POLD1: variants seen among roughly 807,000 people sequenced by gnomAD.
POLD1 encodes the protein DNA polymerase delta 1, catalytic subunit.
A neutral mutation model predicts 129.7 loss-of-function variants in POLD1; 79 were observed. That is an observed-to-expected ratio of 0.61 (90% CI 0.51 to 0.73). The LOEUF is 0.73. POLD1 is among the 30% of genes least tolerant of loss of function. POLD1 has a pLI of 0.00. For synonymous variants in POLD1, 714 were observed against 683.3 expected (o/e 1.04, Z -0.70); for missense variants, 1,338 against 1,595.8 (o/e 0.84, Z 2.75).
In POLD1 at chr19:50,406,137, G is replaced by C. The variant is rs2122314314; in HGVS notation, c.1243-45G>C. 4 of 1,594,068 alleles carry C rather than the reference G, an allele frequency of 2.5e-6. No individual in the cohort carries two copies. Among genetic ancestry groups the C allele is most frequent in the Non-Finnish European group, 3.4e-6 (4 of 1,166,680 alleles). Reference sequence around the variant, plus strand: ...CAATCTCCGTTCTTCAGGCTTATGTGACGGGGACCCGCAGCCTGCTGCACA... The same window carrying C: ...CAATCTCCGTTCTTCAGGCTTATGTCACGGGGACCCGCAGCCTGCTGCACA... On this transcript the variant is annotated intron_variant, in intron 10 of 26. Transcript: ENST00000440232. This position sits in a 1 kb window ranked among gnomAD's most constrained non-coding sequence, Gnocchi z 5.5.
In POLD1 at chr19:50,416,614, G is replaced by T; in HGVS notation, c.2958G>T (p.Gly986=). ...CACCTGCCTCCTCTCCTGCAGGGGG[G>T]GACCACACGCGCTGCAAGACGGTGC... ...EGRAEAVLLR[G]DHTRCKTVLT... Residue 986 remains glycine, a synonymous_variant, in exon 24 of 27, where the codon GGG becomes GGT. Transcript: ENST00000440232. The T allele has an allele frequency of 6.4e-7, 1 of 1,561,148 alleles. No individual in the cohort carries two copies. The highest frequency in any genetic ancestry group is 2.4e-5 in the East Asian group (1 of 41,928).
intron 1 of POLD1, among the ~76,000 whole-genome samples, chr19:50,393,261 T>C (rs1230533921): frequency 6.6e-6 from 1 of 152,186 alleles, no homozygotes; most frequent in African/African-American, 2.4e-5. Context: ...CAGTCTCTCC[T>C]ACCCTAGGAG....
Position 50,409,404 on chromosome 19 carries a change from A to C in POLD1, c.2007-115A>C, listed in dbSNP as rs1033505603. Reference sequence around the variant, plus strand: ...AGCTTCCTTTTGCCCCCTTGGCCAGAAGCTTCTGTGCAGTGCACAGTACGC... The same window carrying C: ...AGCTTCCTTTTGCCCCCTTGGCCAGCAGCTTCTGTGCAGTGCACAGTACGC... On this transcript the variant is annotated intron_variant, in intron 16 of 26. Coordinates refer to ENST00000440232, the MANE Select transcript of POLD1 (RefSeq NM_002691.4). This position sits in a 1 kb window ranked among gnomAD's most constrained non-coding sequence, Gnocchi z 5.8. 1 of 1,455,708 alleles carries C rather than the reference A, an allele frequency of 6.9e-7. No homozygotes were observed. The highest frequency in any genetic ancestry group is 9.5e-7 in the Non-Finnish European group (1 of 1,055,494). 90.2% of individuals were successfully genotyped at this position (1,455,708 alleles called of 1,614,324 possible).
Position 50,399,133 on chromosome 19 carries a change from G to A in POLD1, c.202+80G>A, listed in dbSNP as rs867132606. On this transcript the variant is annotated intron_variant, in intron 2 of 26. Transcript: ENST00000440232. ...CTTTGGTCCAAGAGTCAGCTGCAAA[G>A]CTGACCTGTGACCCCACTCTGGCCA... is the stretch of plus-strand genomic sequence containing the variant. The A allele has an allele frequency of 1.3e-5, 20 of 1,546,810 alleles. No individual in the cohort carries two copies. The African/African-American group carries it at 2.3e-4, about 18-fold the overall frequency.
At chr19:50,416,232 G>T in intron 22 of POLD1, 164 bp from the exon 23 acceptor site, 1 of 663,700 alleles carries the variant, frequency 1.5e-6, no homozygotes, top group Non-Finnish European at 2.6e-6. Flanking sequence ...AGACTCTGTG[G>T]CCCAGAGACT....
chr19:50,405,196 C>G (rs2038831237), intron 10 of POLD1, among the ~76,000 whole-genome samples: 1 of 152,192 alleles, frequency 6.6e-6, no homozygotes, highest in Admixed American at 6.5e-5. Context: ...CAGGTGTGAG[C>G]CAGTGCACCT....
intron 19 of POLD1, 150 bp from the exon 20 acceptor site, chr19:50,414,665 T>C (rs183589390): frequency 2.8e-4 from 150 of 540,762 alleles, no homozygotes; most frequent in African/African-American, 2.7e-3. Context: ...AGCCATACAG[T>C]GTCTCGGTCC....
intron 1 of POLD1, among the ~76,000 whole-genome samples, chr19:50,389,210 C>T (rs2038070037): frequency 6.6e-6 from 1 of 151,600 alleles, no homozygotes; most frequent in South Asian, 2.1e-4. Flanking sequence ...TCACTGCAGC[C>T]TCGACCTCCC....
In POLD1 at chr19:50,399,036, T is replaced by C. The variant is rs1224431670; in HGVS notation, c.185T>C (p.Leu62Pro). The C allele has an allele frequency of 2.6e-6, 4 of 1,554,668 alleles. No homozygotes were observed. The highest frequency in any genetic ancestry group is 3.5e-6 in the Non-Finnish European group (4 of 1,148,922). Residue 62 changes from leucine to proline, a missense_variant, in exon 2 of 27, where the codon CTG (leucine) becomes CCG (proline). Transcript: ENST00000440232. The part of the protein sequence containing the change: ...EQEEEELQSV[L>P]EGVADGQVPP... ...GAGGAGGAGGAGCTGCAGTCAGTCC[T>C]GGAGGGGGTTGCAGACGGTAAGGCT...
In POLD1 at chr19:50,406,689, C is replaced by T. The variant is rs568634842; in HGVS notation, c.1494+172C>T. ...TTTCCTGACCTCTGACCCCAGATTT[C>T]TCTCCACTCCTGTGACCTCTGTCAC... On this transcript the variant is annotated intron_variant, in intron 12 of 26. Coordinates refer to ENST00000440232, the MANE Select transcript of POLD1 (RefSeq NM_002691.4). This position sits in a 1 kb window ranked among gnomAD's most constrained non-coding sequence, Gnocchi z 5.5. Among the ~76,000 whole-genome samples the T allele has an allele frequency of 6.6e-6, 1 of 152,262 alleles. No homozygotes were observed. Among genetic ancestry groups the T allele is most frequent in the South Asian group, 2.1e-4 (1 of 4,822 alleles).
chr19:50,416,032 G>A, intron 22 of POLD1: 1 of 580,244 alleles, frequency 1.7e-6, no homozygotes, highest in South Asian at 2.2e-5. Context: ...CCTATGGAAG[G>A]GGCCCCAGTC....
rs760161040 is a variant in POLD1 at position 50,417,811 on chromosome 19, G to A, written c.3219-31G>A. On this transcript the variant is annotated intron_variant, in intron 26 of 26. Transcript: ENST00000440232. Reference sequence around the variant, plus strand: ...CAGGCTGGGCACTGGGCCTTGGCTGGTCCTGACCCTGCCCCTGCCCCCACC... The same window carrying A: ...CAGGCTGGGCACTGGGCCTTGGCTGATCCTGACCCTGCCCCTGCCCCCACC... The A allele has an allele frequency of 3.5e-6, 5 of 1,430,524 alleles. No homozygotes were observed. The South Asian group carries it at 6.1e-5, about 17-fold the overall frequency. 88.6% of individuals were successfully genotyped at this position (1,430,524 alleles called of 1,614,324 possible).
chr19:50,391,738 C>A (rs1307135867), intron 1 of POLD1, among the ~76,000 whole-genome samples: 1 of 151,694 alleles, frequency 6.6e-6, no homozygotes, highest in African/African-American at 2.4e-5. Context: ...TTTTCCCACT[C>A]CCCCGCTCTT....
chr19:50,390,115 G>A (rs948057421), intron 1 of POLD1, among the ~76,000 whole-genome samples: 7 of 151,806 alleles, frequency 4.6e-5, no homozygotes, highest in Admixed American at 2.0e-4. Context: ...CACCATGTTG[G>A]CCAGGCTGGT....
Position 50,417,250 on chromosome 19 carries a change from GAGGACGTCATCTGCACC to G in POLD1, c.3203_3218+1del, listed in dbSNP as rs1568641895. 6.3e-7 allele frequency: 1 copy of G among 1,599,134 alleles called. No individual in the cohort carries two copies. Among genetic ancestry groups the G allele is most frequent in the South Asian group, 1.1e-5 (1 of 89,938 alleles). ...CCAGCGCTGCCAGGGCAGCCTGCAC[GAGGACGTCATCTGCACC>G]AGGTGTGTGCCATGTCCCGACCCTG... On this transcript the variant is annotated frameshift_variant and splice_region_variant, in exon 26 of 27. Coordinates refer to ENST00000440232, the MANE Select transcript of POLD1 (RefSeq NM_002691.4). LOFTEE classifies it high-confidence loss of function.
Position 50,416,540 on chromosome 19 carries a change from C to T in POLD1, c.2953+12C>T, listed in dbSNP as rs3218776. On this transcript the variant is annotated intron_variant, in intron 23 of 26. Transcript: ENST00000440232. ...GGCTGTGCTACTGCGTACGGGGGCA[C>T]CAGGGGACTGGGGGCACCCTGGGGG... The T allele has an allele frequency of 0.64, 985,841 of 1,549,824 alleles. 327,237 individuals are homozygous for T. Among genetic ancestry groups the T allele is most frequent in the Non-Finnish European group, 0.69 (792,411 of 1,149,420 alleles).
chr19:50,406,604 A>ACGTCTGACCTCACTCC lies in POLD1; in HGVS notation c.1494+102_1494+103insCCGTCTGACCTCACTC, dbSNP rs2038895582. On this transcript the variant is annotated intron_variant, in intron 12 of 26. Coordinates refer to ENST00000440232, the MANE Select transcript of POLD1 (RefSeq NM_002691.4). This position sits in a 1 kb window ranked among gnomAD's most constrained non-coding sequence, Gnocchi z 5.5. ...CCTCTGACCTCAACTTCACGCCCCC[A>ACGTCTGACCTCACTCC]CGTCTGACCTCACTCTTTGACCTGC... The ACGTCTGACCTCACTCC allele has an allele frequency of 1.0e-6, 1 of 954,902 alleles. No individual in the cohort carries two copies. Among genetic ancestry groups the ACGTCTGACCTCACTCC allele is most frequent in the East Asian group, 2.6e-5 (1 of 38,056 alleles). The allele number at this position is 954,902 out of a possible 1,614,324, so 59.2% of individuals were successfully genotyped here.
At chr19:50,390,970 TC>T (rs1200715295) in intron 1 of POLD1, among the ~76,000 whole-genome samples, 2 of 152,188 alleles carry the variant, frequency 1.3e-5, no homozygotes, top group African/African-American at 4.8e-5. Flanking sequence ...TATGTCTACT[TC>T]TTTCTACACA....
chr19:50,391,358 G>A (rs1167060364), intron 1 of POLD1, among the ~76,000 whole-genome samples: 1 of 152,168 alleles, frequency 6.6e-6, no homozygotes, highest in Non-Finnish European at 1.5e-5. Context: ...GCTGGGAGGT[G>A]GAGGTTGTAG....
Sources: allele counts gnomAD v4.1 joint callset (sites outside exome capture counted in the v4.1 genomes callset), GRCh38; gene constraint gnomAD v4.1.1; non-coding constraint Gnocchi (gnomAD v3.1); transcripts MANE v1.5; gene names NCBI Gene and HGNC (gene_info 2026-07-23, HGNC 2026-07-21).